Variants in EYS observed in about 807,000 individuals in gnomAD.
EYS encodes EGF-like photoreceptor maintenance factor.
EYS carries 250 observed loss-of-function variants against 282.1 expected under a neutral mutation model. That is an observed-to-expected ratio of 0.89 (90% confidence interval 0.80 to 0.98). The LOEUF (loss-of-function observed/expected upper bound fraction) is 0.98, where lower values mean the gene tolerates loss of function less well. Among genes scored for constraint, EYS ranks in the 50% least tolerant of loss-of-function variants. The pLI is 0.00. For synonymous variants in EYS, 1,355 were observed against 1,282.9 expected, an observed-to-expected ratio of 1.06 and a Z score of -1.20; for missense variants, 4,016 against 3,709.0, an observed-to-expected ratio of 1.08 and a Z score of -2.15.
chr6:65,086,674 G>A (rs1774386267), intron 12 of EYS, among the ~76,000 whole-genome samples: 1 of 152,128 alleles, frequency 6.6e-6, no homozygotes, highest in African/African-American at 2.4e-5. Context: ...TTAGTTCACA[G>A]AATTATGAAT....
At chr6:64,205,956 A>G (rs146968978) in intron 31 of EYS, among the ~76,000 whole-genome samples, 376 of 152,204 alleles carry the variant, frequency 2.5e-3, no homozygotes, top group East Asian at 9.3e-3. Flanking sequence ...TTTTTTAGAG[A>G]AAGTATCTCA....
chr6:65,455,934 C>A lies in EYS; in HGVS notation c.862+34660G>T, dbSNP rs1181251863. The stretch of plus-strand genomic sequence containing the variant: ...GCACTACTTTGATTTTAATACCGGA[C>A]AAGGATGCAGGAAAGACGGAAGGAA... On this transcript the variant is annotated intron_variant, in intron 5 of 42. Coordinates refer to ENST00000503581, the MANE Select transcript of EYS (RefSeq NM_001142800.2). Among the ~76,000 whole-genome samples, 4 of 142,796 alleles carry A rather than the reference C, an allele frequency of 2.8e-5. No individual in the cohort carries two copies. The South Asian group carries it at 8.8e-4, about 31-fold the overall frequency. 93.7% of individuals were successfully genotyped at this position (142,796 alleles called of 152,430 possible).
intron 22 of EYS, among the ~76,000 whole-genome samples, chr6:64,692,329 A>AT (rs1462444212): frequency 2.0e-5 from 3 of 151,966 alleles, no homozygotes; most frequent in East Asian, 3.9e-4. Context: ...TCCTTTGCCC[A>AT]TTTTTTAACG....
intron 5 of EYS, among the ~76,000 whole-genome samples, chr6:65,444,042 C>T (rs969431055): frequency 3.3e-5 from 5 of 151,620 alleles, no homozygotes; most frequent in African/African-American, 7.3e-5. Flanking sequence ...AAAGTAAGGT[C>T]CCTGTGTCTG....
Position 65,571,602 on chromosome 6 carries a change from A to G in EYS, c.-333+68176T>C, listed in dbSNP as rs57798896. Among the ~76,000 whole-genome samples, 792 of 152,158 alleles carry G rather than the reference A, an allele frequency of 5.2e-3. 4 individuals carry two copies. Among genetic ancestry groups the G allele is most frequent in the African/African-American group, 0.017 (722 of 41,560 alleles). On this transcript the variant is annotated intron_variant, in intron 2 of 42. Transcript: ENST00000503581. Reference sequence around the variant, plus strand: ...TTGGGATGACATAATCTGGTCTCCTATAGCCATAGTCCCGGGTAACATATT... The same window carrying G: ...TTGGGATGACATAATCTGGTCTCCTGTAGCCATAGTCCCGGGTAACATATT...
intron 2 of EYS, among the ~76,000 whole-genome samples, chr6:65,588,563 CT>C (rs35933552): frequency 0.17 from 26,049 of 151,890 alleles, 2,770 homozygotes; most frequent in Middle Eastern, 0.34. Context: ...TATCGTGCCT[CT>C]GTATTCGAAA....
At chr6:64,218,557 C>G (rs751275056) in intron 31 of EYS, among the ~76,000 whole-genome samples, 1 of 152,162 alleles carries the variant, frequency 6.6e-6, no homozygotes, top group Admixed American at 6.5e-5. Context: ...CCCTACTTGT[C>G]CCCCTCACTT....
intron 31 of EYS, among the ~76,000 whole-genome samples, chr6:64,138,663 C>T (rs61693709): frequency 0.025 from 3,799 of 152,100 alleles, 144 homozygotes; most frequent in African/African-American, 0.086. Context: ...AGGAAAAAAC[C>T]CTAGTTGACT....
chr6:64,429,843 T>C (rs2150458695), intron 28 of EYS, among the ~76,000 whole-genome samples: 1 of 152,318 alleles, frequency 6.6e-6, no homozygotes. Flanking sequence ...TGAATAATTA[T>C]CATTTAAAAT....
intron 31 of EYS, among the ~76,000 whole-genome samples, chr6:64,166,429 A>C (rs745638001): frequency 3.9e-5 from 6 of 152,198 alleles, no homozygotes; most frequent in Non-Finnish European, 8.8e-5. Flanking sequence ...ACATTTAATC[A>C]AATACAGCTC....
chr6:64,354,271 A>AT (rs1454683345), intron 29 of EYS, among the ~76,000 whole-genome samples: 1 of 151,670 alleles, frequency 6.6e-6, no homozygotes, highest in African/African-American at 2.4e-5. Flanking sequence ...TTGTTAACAG[A>AT]TACCCTAATT....
intron 12 of EYS, among the ~76,000 whole-genome samples, chr6:65,197,609 T>C (rs1375864149): frequency 6.6e-6 from 1 of 152,090 alleles, no homozygotes; most frequent in East Asian, 1.9e-4. Flanking sequence ...GAGAAGTGCA[T>C]CCTTTAGTGA....
rs1418272672 is a variant in EYS, at chr6:65,003,512, A to G, written c.2138-5809T>C. Among the ~76,000 whole-genome samples, 2 of 147,020 alleles carry G rather than the reference A, an allele frequency of 1.4e-5. 1 individual carries two copies. Among genetic ancestry groups the G allele is most frequent in the East Asian group, 4.3e-4 (2 of 4,674 alleles). On this transcript the variant is annotated intron_variant, in intron 13 of 42. Coordinates refer to ENST00000503581, the MANE Select transcript of EYS (RefSeq NM_001142800.2). ...GCCTCCACTTGCCTTGTGATATTCT[A>G]TTACCTTGTAAAGTACTTGATGTCT...
intron 12 of EYS, among the ~76,000 whole-genome samples, chr6:65,228,903 G>A (rs1029722746): frequency 3.3e-5 from 5 of 152,040 alleles, no homozygotes; most frequent in Non-Finnish European, 7.4e-5. Context: ...AGGCGATTCA[G>A]TGGGAAAGAG....
At chr6:63,755,274 A>G (rs147070176) in intron 41 of EYS, among the ~76,000 whole-genome samples, 4 of 150,682 alleles carry the variant, frequency 2.7e-5, no homozygotes, top group East Asian at 3.9e-4. Context: ...CCATGCCTAT[A>G]TCCTGTTTAA....
At chr6:63,920,508 C>T (rs1764540309) in intron 35 of EYS, among the ~76,000 whole-genome samples, 1 of 152,178 alleles carries the variant, frequency 6.6e-6, no homozygotes, top group Non-Finnish European at 1.5e-5. Context: ...TATTTCCTTC[C>T]CGTTGGCTCT....
intron 7 of EYS, among the ~76,000 whole-genome samples, chr6:65,388,646 G>A (rs1765888402): frequency 6.6e-6 from 1 of 152,024 alleles, no homozygotes; most frequent in African/African-American, 2.4e-5. Flanking sequence ...GTAGGAGATG[G>A]TGGCAGAGAG....
intron 26 of EYS, among the ~76,000 whole-genome samples, chr6:64,541,072 T>C (rs1418543127): frequency 6.6e-6 from 1 of 152,212 alleles, no homozygotes; most frequent in East Asian, 1.9e-4. Context: ...CTGAGTTCTC[T>C]TGATTTCTTG....
At chr6:63,778,267 A>C in intron 39 of EYS, 87 bp from the exon 40 acceptor site, 1 of 1,342,208 alleles carries the variant, frequency 7.5e-7, no homozygotes, top group Non-Finnish European at 1.0e-6. Flanking sequence ...TTTAAAGTAG[A>C]AGTTTTTCAA....
Sources: allele counts gnomAD v4.1 joint callset (sites outside exome capture counted in the v4.1 genomes callset), GRCh38; gene constraint gnomAD v4.1.1; transcripts MANE v1.5; gene names NCBI Gene and HGNC (gene_info 2026-07-23, HGNC 2026-07-21).